Variants in SP3 observed in about 807,000 individuals in gnomAD.
SP3 encodes transcription factor Sp3.
In SP3, 10 loss-of-function variants were observed where a neutral mutation model predicts 70.3. The ratio of observed to expected loss-of-function variants is 0.14; its 90% CI spans 0.09 to 0.24. SP3 has a LOEUF of 0.24. Ranked by LOEUF, SP3 falls within the 10% of genes least tolerant of loss-of-function variation. The pLI is 1.00. For missense variants in SP3, 825 were observed against 914.6 expected (o/e 0.90, Z 1.26); for synonymous variants, 402 against 333.5 (o/e 1.21, Z -2.24).
At chr2:173,927,747 A>C (rs1291530534) in intron 4 of SP3, among the ~76,000 whole-genome samples, 1 of 152,234 alleles carries the variant, frequency 6.6e-6, no homozygotes, top group Non-Finnish European at 1.5e-5. Context: ...TTATTTGTGT[A>C]TCGCTTTAAA....
At position 173,903,175 on chromosome 2, in the gene SP3, C is replaced by G. The variant is rs1342019687; in HGVS notation, c.*6766G>C. Among the ~76,000 whole-genome samples, 1 of 152,238 alleles carries G rather than the reference C, an allele frequency of 6.6e-6. No individual in the cohort carries two copies. Among genetic ancestry groups the G allele is most frequent in the Non-Finnish European group, 1.5e-5 (1 of 68,034 alleles). On this transcript the variant is annotated 3_prime_UTR_variant, in exon 7 of 7. Transcript: ENST00000310015. Reference sequence around the variant, plus strand: ...ACTATTTTCAAGTGTAGGAAGACTACTGATTCTTCCAGTGCTTACATTTAC... The same window carrying G: ...ACTATTTTCAAGTGTAGGAAGACTAGTGATTCTTCCAGTGCTTACATTTAC...
At chr2:173,926,376 AATAG>A (rs1689909419) in intron 4 of SP3, among the ~76,000 whole-genome samples, 1 of 152,206 alleles carries the variant, frequency 6.6e-6, no homozygotes, top group African/African-American at 2.4e-5. Flanking sequence ...CCTTCTACCA[AATAG>A]ATATATATAT....
chr2:173,920,625 T>TTTA (rs1689726582), intron 4 of SP3, among the ~76,000 whole-genome samples: 1 of 148,340 alleles, frequency 6.7e-6, no homozygotes, highest in African/African-American at 2.6e-5. Flanking sequence ...TTATTTATTT[T>TTTA]TAAGCAGAGT....
intron 4 of SP3, among the ~76,000 whole-genome samples, chr2:173,948,532 G>A (rs1207216820): frequency 6.6e-6 from 1 of 152,052 alleles, no homozygotes; most frequent in African/African-American, 2.4e-5. Flanking sequence ...GATAAGGGGG[G>A]CGACTATTCT....
chr2:173,944,364 T>C (rs1690472057), intron 4 of SP3, among the ~76,000 whole-genome samples: 1 of 151,950 alleles, frequency 6.6e-6, no homozygotes, highest in Non-Finnish European at 1.5e-5. Flanking sequence ...CAAAACCCCA[T>C]CTCTAGAAAA....
Position 173,955,918 on chromosome 2 carries a change from A to G in SP3, c.594T>C (p.Asn198=). Residue 198 remains asparagine (N), a synonymous_variant, in exon 4 of 7, where the codon AAT becomes AAC. Coordinates refer to ENST00000310015, the MANE Select transcript of SP3 (RefSeq NM_003111.5). ...FTGSSDNGGI[N]QESSQIQIIP... ...TGATCTGAATTTGACTGCTTTCTTG[A>G]TTTATACCCCCATTATCTGAAGAGC... The G allele has an allele frequency of 1.2e-6, 2 of 1,614,176 alleles. No homozygotes were observed. Among genetic ancestry groups the G allele is most frequent in the Non-Finnish European group, 1.7e-6 (2 of 1,180,026 alleles).
In SP3 at chr2:173,963,825, G is replaced by A. The variant is rs1691169510; in HGVS notation, c.215C>T (p.Pro72Leu). The A allele has an allele frequency of 1.3e-6, 2 of 1,484,948 alleles. No individual in the cohort carries two copies. Among genetic ancestry groups the A allele is most frequent in the Non-Finnish European group, 1.8e-6 (2 of 1,110,712 alleles). 92.0% of individuals were successfully genotyped at this position (1,484,948 alleles called of 1,614,324 possible). Residue 72 changes from proline to leucine, a missense_variant, in exon 3 of 7, where the codon CCA becomes CTA. Physicochemically the swap from Pro to Leu is moderately conservative, Grantham distance 98 (BLOSUM62 -3). Transcript: ENST00000310015. ...LAATCSKIGP[P>L]SPGDDEEEAA... The stretch of plus-strand genomic sequence containing the variant: ...CTCCTCCTCGTCGTCGCCCGGCGAT[G>A]GCGGCCCTATCTTGCTGCAGGTAGC...
At chr2:173,918,561 T>TA in intron 5 of SP3, 32 bp downstream of exon 5, 3 of 1,591,420 alleles carry the variant, frequency 1.9e-6, no homozygotes, top group Non-Finnish European at 2.6e-6. Context: ...TTAGCACTCT[T>TA]AAAAATATAT....
At chr2:173,918,260 C>T (rs1027928538) in intron 5 of SP3, among the ~76,000 whole-genome samples, 23 of 152,048 alleles carry the variant, frequency 1.5e-4, no homozygotes, top group African/African-American at 5.3e-4. Context: ...AACTACTATT[C>T]TCAACCTAAA....
intron 4 of SP3, among the ~76,000 whole-genome samples, chr2:173,954,369 A>G (rs930346849): frequency 2.0e-5 from 3 of 152,168 alleles, no homozygotes; most frequent in African/African-American, 7.2e-5. Flanking sequence ...CTAGTCCAAC[A>G]CCTCCATTTT....
rs1370378210 is a variant in SP3 at position 173,904,690 on chromosome 2, T to A, written c.*5251A>T. 6.6e-6 allele frequency among the ~76,000 whole-genome samples: 1 copy of A among 152,236 alleles called. No individual in the cohort carries two copies. The highest frequency in any genetic ancestry group is 2.4e-5 in the African/African-American group (1 of 41,462). ...TAATTGGCTCAACTTTGACCAGATG[T>A]CCACTCCTTGTCTGATTTCTGAACA... is the stretch of plus-strand genomic sequence containing the variant. On this transcript the variant is annotated 3_prime_UTR_variant, in exon 7 of 7. Transcript: ENST00000310015.
chr2:173,930,412 A>G (rs544237888), intron 4 of SP3, among the ~76,000 whole-genome samples: 1 of 151,908 alleles, frequency 6.6e-6, no homozygotes, highest in Non-Finnish European at 1.5e-5. Flanking sequence ...TTTAATTAAA[A>G]AGAAAAAAAA....
In SP3 at chr2:173,956,005, T is replaced by C. The variant is rs761263242; in HGVS notation, c.507A>G (p.Gln169=). The C allele has an allele frequency of 2.5e-6, 4 of 1,614,210 alleles. No individual in the cohort carries two copies. Among genetic ancestry groups the C allele is most frequent in the South Asian group, 1.1e-5 (1 of 91,088 alleles). ...DSSNGTVSSV[Q]YQVIPQIQSA... ...ACTGGATCTGTGGTATCACTTGATA[T>C]TGAACACTGGACACTGTACCATTTG... Residue 169 remains glutamine (Q), a synonymous_variant, in exon 4 of 7, where the codon CAA becomes CAG. Transcript: ENST00000310015.
At chr2:173,938,261 A>G (rs1267308845) in intron 4 of SP3, among the ~76,000 whole-genome samples, 1 of 152,080 alleles carries the variant, frequency 6.6e-6, no homozygotes, top group Non-Finnish European at 1.5e-5. Context: ...GTTCAAGACC[A>G]GCCTAGTCAA....
chr2:173,934,626 A>G (rs1354198164), intron 4 of SP3, among the ~76,000 whole-genome samples: 1 of 152,070 alleles, frequency 6.6e-6, no homozygotes, highest in Non-Finnish European at 1.5e-5. Flanking sequence ...GCACTTCAGG[A>G]GGGAGACAGG....
chr2:173,921,579 G>A (rs1183847703), intron 4 of SP3, among the ~76,000 whole-genome samples: 1 of 152,170 alleles, frequency 6.6e-6, no homozygotes, highest in Non-Finnish European at 1.5e-5. Flanking sequence ...GGCAGGCATG[G>A]TGGCACATGC....
At chr2:173,958,803 G>A (rs746883965) in intron 3 of SP3, among the ~76,000 whole-genome samples, 15 of 151,500 alleles carry the variant, frequency 9.9e-5, no homozygotes, top group South Asian at 8.3e-4. Flanking sequence ...TCAGAACTGA[G>A]TTCTAGTTCT....
At chr2:173,949,642 A>T (rs991289454) in intron 4 of SP3, among the ~76,000 whole-genome samples, 6 of 152,196 alleles carry the variant, frequency 3.9e-5, no homozygotes, top group African/African-American at 9.6e-5. Context: ...TTCGCCTGTC[A>T]ATCTTTAAAT....
chr2:173,947,840 C>T (rs1302805876), intron 4 of SP3, among the ~76,000 whole-genome samples: 1 of 152,022 alleles, frequency 6.6e-6, no homozygotes, highest in Admixed American at 6.6e-5. Context: ...TCTGCAAGCC[C>T]CAAAACTCAT....
Sources: allele counts gnomAD v4.1 joint callset (sites outside exome capture counted in the v4.1 genomes callset), GRCh38; gene constraint gnomAD v4.1.1; transcripts MANE v1.5; gene names NCBI Gene and HGNC (gene_info 2026-07-23, HGNC 2026-07-21).